Variants in RARRES1 observed in about 807,000 individuals in gnomAD.
RARRES1 encodes the protein retinoic acid receptor responder protein 1.
Under a neutral mutation model 30.6 loss-of-function variants are expected in RARRES1, and 34 were observed. That is an observed-to-expected ratio of 1.11 (90% CI 0.84 to 1.48). The LOEUF (loss-of-function observed/expected upper bound fraction) is 1.48, where lower values mean the gene tolerates loss of function less well. Ranked by LOEUF, RARRES1 falls within the 40% of genes most tolerant of loss-of-function variation. The pLI is 0.00. For synonymous variants in RARRES1, 153 were observed against 155.5 expected (o/e 0.98, Z 0.12); for missense variants, 373 against 386.5 (o/e 0.97, Z 0.29).
chr3:158,703,829 A>G (rs1181065727), intron 4 of RARRES1, among the ~76,000 whole-genome samples: 1 of 152,134 alleles, frequency 6.6e-6, no homozygotes. Flanking sequence ...ATTATCTGTG[A>G]TCTCATCCAG....
chr3:158,715,603 G>C (rs1255363007), intron 1 of RARRES1, among the ~76,000 whole-genome samples: 1 of 152,096 alleles, frequency 6.6e-6, no homozygotes, highest in Non-Finnish European at 1.5e-5. Context: ...ACAGTGCCTG[G>C]GTCAGCATAA....
Position 158,732,308 on chromosome 3 carries a change from C to A in RARRES1, c.108G>T (p.Ala36=), listed in dbSNP as rs1727936116. ...CGTCGGGGTCCCCGGACCCCGCGGG[C>A]GCCGCCACCGGGGCGAGCAACAGCA... The part of the protein sequence containing the change: ...ALLLLLAPVA[A]PAGSGDPDDP... The change falls in exon 1 of 6, where the codon GCG becomes GCT. Residue 36 remains alanine, a synonymous_variant. Coordinates refer to ENST00000237696, the MANE Select transcript of RARRES1 (RefSeq NM_206963.2). The A allele has an allele frequency of 9.7e-6, 13 of 1,344,394 alleles. No individual in the cohort carries two copies. In the South Asian group the frequency reaches 2.3e-4, roughly 24 times the overall value. The allele number at this position is 1,344,394 out of a possible 1,614,324, so 83.3% of individuals were successfully genotyped here. A position where few individuals can be genotyped will look rare whatever the true frequency, so the allele number is the denominator to read the frequency against.
At chr3:158,708,061 C>T (rs73874711) in intron 3 of RARRES1, among the ~76,000 whole-genome samples, 25 of 152,286 alleles carry the variant, frequency 1.6e-4, no homozygotes, top group African/African-American at 6.0e-4. Flanking sequence ...TACTTCCTGA[C>T]AAGAATATCA....
At chr3:158,731,884 A>C (rs1727899318) in intron 1 of RARRES1, among the ~76,000 whole-genome samples, 2 of 152,232 alleles carry the variant, frequency 1.3e-5, no homozygotes, top group African/African-American at 4.8e-5. Context: ...TGCCCTGTGA[A>C]AAACCTATGA....
At position 158,710,892 on chromosome 3, in the gene RARRES1, A is replaced by G; in HGVS notation, c.381T>C (p.Ser127=). 6.2e-7 allele frequency: 1 copy of G among 1,614,132 alleles called. No homozygotes were observed. Among genetic ancestry groups the G allele is most frequent in the Non-Finnish European group, 8.5e-7 (1 of 1,179,996 alleles). The change falls in exon 3 of 6, where the codon TCT becomes TCC. Residue 127 remains serine, a synonymous_variant. Transcript: ENST00000237696. ...TCTGATTCTTGAAAAACACTCGAGC[A>G]GAACATTTCCCCAAACGTCCCTCAC... ...QEGEGRLGKC[S]ARVFFKNQKP... is the part of the protein sequence containing the mutation.
At chr3:158,725,958 C>T (rs1237323306) in intron 1 of RARRES1, among the ~76,000 whole-genome samples, 1 of 152,214 alleles carries the variant, frequency 6.6e-6, no homozygotes, top group Non-Finnish European at 1.5e-5. Context: ...TATGTTTCAT[C>T]CTTAGGGCAG....
chr3:158,697,486 C>A lies in RARRES1; in HGVS notation c.*192G>T. ...CACTGAGCAGAGTTCAGTGTGCATG[C>A]GCTTCCAGAGTTAAAAGCTAAAGCA... is the stretch of plus-strand genomic sequence containing the variant. On this transcript the variant is annotated 3_prime_UTR_variant, in exon 6 of 6. Transcript: ENST00000237696. The A allele has an allele frequency of 1.7e-6, 1 of 592,248 alleles. No individual in the cohort carries two copies. 36.7% of individuals were successfully genotyped at this position (592,248 alleles called of 1,614,324 possible).
chr3:158,715,946 A>G (rs1484459811), intron 1 of RARRES1, among the ~76,000 whole-genome samples: 1 of 152,128 alleles, frequency 6.6e-6, no homozygotes, highest in Non-Finnish European at 1.5e-5. Flanking sequence ...CCCGCAAACA[A>G]CTAACACTCA....
At chr3:158,718,348 A>G (rs1452541280) in intron 1 of RARRES1, among the ~76,000 whole-genome samples, 3 of 152,246 alleles carry the variant, frequency 2.0e-5, no homozygotes, top group Non-Finnish European at 4.4e-5. Context: ...AAGTAGCCCA[A>G]TAATTGGGCC....
chr3:158,722,751 G>A (rs1159775460), intron 1 of RARRES1, among the ~76,000 whole-genome samples: 13 of 151,840 alleles, frequency 8.6e-5, no homozygotes, highest in South Asian at 2.1e-4. Flanking sequence ...GCGTGGTGGC[G>A]GGCGCCTGTA....
In RARRES1 at chr3:158,697,489, T is replaced by C; in HGVS notation, c.*189A>G. The stretch of plus-strand genomic sequence containing the variant: ...TGAGCAGAGTTCAGTGTGCATGCGC[T>C]TCCAGAGTTAAAAGCTAAAGCAGAC... On this transcript the variant is annotated 3_prime_UTR_variant, in exon 6 of 6. Coordinates refer to ENST00000237696, the MANE Select transcript of RARRES1 (RefSeq NM_206963.2). The C allele has an allele frequency of 1.6e-6, 1 of 612,740 alleles. No individual in the cohort carries two copies. The highest frequency in any genetic ancestry group is 2.7e-6 in the Non-Finnish European group (1 of 363,994). The allele number at this position is 612,740 out of a possible 1,614,324, so 38.0% of individuals were successfully genotyped here.
At chr3:158,731,104 A>G (rs1011710738) in intron 1 of RARRES1, among the ~76,000 whole-genome samples, 19 of 152,208 alleles carry the variant, frequency 1.2e-4, no homozygotes, top group Non-Finnish European at 2.6e-4. Flanking sequence ...TTCTAGGAAC[A>G]ATTTGATTTA....
chr3:158,710,589 C>CT, intron 3 of RARRES1, 149 bp downstream of exon 3: 1 of 704,368 alleles, frequency 1.4e-6, no homozygotes, highest in Non-Finnish European at 2.3e-6. Context: ...GATGATACCT[C>CT]TGAGTTTTGT....
intron 4 of RARRES1, among the ~76,000 whole-genome samples, chr3:158,698,619 C>T (rs371153205): frequency 3.3e-5 from 5 of 151,094 alleles, no homozygotes; most frequent in African/African-American, 1.2e-4. Context: ...TTATTCACAT[C>T]GTTTCTGTAC....
At chr3:158,704,210 CTTTTTTTTTTTTTTTTTTTTTTT>C (rs78169321) in intron 4 of RARRES1, among the ~76,000 whole-genome samples, 4 of 82,808 alleles carry the variant, frequency 4.8e-5, no homozygotes, top group African/African-American at 1.7e-4. Context: ...TATTGCAATA[CTTTTTTTTTTTTTTTTTTTTTTT>C]TTTTTTTTTT....
chr3:158,713,017 A>G (rs112982446), intron 2 of RARRES1, among the ~76,000 whole-genome samples: 11 of 152,304 alleles, frequency 7.2e-5, no homozygotes, highest in African/African-American at 2.4e-4. Flanking sequence ...TTGGAACTTG[A>G]GTACTGGTGA....
chr3:158,716,965 C>CA (rs1373800339), intron 1 of RARRES1, among the ~76,000 whole-genome samples: 1 of 152,188 alleles, frequency 6.6e-6, no homozygotes, highest in Non-Finnish European at 1.5e-5. Flanking sequence ...TGTATCAAGA[C>CA]ACAGTGCTTT....
intron 3 of RARRES1, among the ~76,000 whole-genome samples, chr3:158,708,738 C>T (rs1197398611): frequency 6.6e-6 from 1 of 151,938 alleles, no homozygotes; most frequent in Admixed American, 6.6e-5. Context: ...AATCTTGGCT[C>T]ACTGCAACCT....
Position 158,723,382 on chromosome 3 carries a change from T to C in RARRES1, c.276+8758A>G, listed in dbSNP as rs1220927440. Among the ~76,000 whole-genome samples the C allele has an allele frequency of 6.6e-6, 1 of 152,204 alleles. No homozygotes were observed. The highest frequency in any genetic ancestry group is 2.4e-5 in the African/African-American group (1 of 41,452). The stretch of plus-strand genomic sequence containing the variant: ...TGGTTGGAGATAAGTAAACAACTCA[T>C]TTGTGCATAGAAATTGCTGTGCTAT... On this transcript the variant is annotated intron_variant, in intron 1 of 5. Coordinates refer to ENST00000237696, the MANE Select transcript of RARRES1 (RefSeq NM_206963.2). This position sits in a 1 kb window ranked among gnomAD's most constrained non-coding sequence, Gnocchi z 4.4.
Sources: allele counts gnomAD v4.1 joint callset (sites outside exome capture counted in the v4.1 genomes callset), GRCh38; gene constraint gnomAD v4.1.1; non-coding constraint Gnocchi (gnomAD v3.1); transcripts MANE v1.5; gene names NCBI Gene and HGNC (gene_info 2026-07-23, HGNC 2026-07-21).